NRG1: variants seen among roughly 807,000 people sequenced by gnomAD.
NRG1 encodes neuregulin 1, also known as pro-neuregulin-1, membrane-bound isoform.
A neutral mutation model predicts 63.8 loss-of-function variants in NRG1; 18 were observed. The ratio of observed to expected loss-of-function variants is 0.28; its 90% CI spans 0.19 to 0.42. The LOEUF is 0.42. Among genes scored for constraint, NRG1 ranks in the 10% least tolerant of loss-of-function variants. NRG1 has a pLI of 1.00. For synonymous variants in NRG1, 302 were observed against 301.3 expected, an observed-to-expected ratio of 1.00 and a Z score of -0.02; for missense variants, 762 against 814.7, an observed-to-expected ratio of 0.94 and a Z score of 0.79.
intron 1 of NRG1, among the ~76,000 whole-genome samples, chr8:32,409,005 C>A (rs1814507886): frequency 6.6e-6 from 1 of 152,020 alleles, no homozygotes. Flanking sequence ...CTTTCTGTTT[C>A]TGAGTTATTT....
intron 5 of NRG1, among the ~76,000 whole-genome samples, chr8:32,718,343 T>G (rs1819769340): frequency 6.6e-6 from 1 of 152,202 alleles, no homozygotes; most frequent in Non-Finnish European, 1.5e-5. Context: ...TATATAAATA[T>G]AAAGTAGTGT....
At chr8:32,495,544 C>G (rs565431057) in intron 1 of NRG1, among the ~76,000 whole-genome samples, 26 of 151,458 alleles carry the variant, frequency 1.7e-4, no homozygotes, top group South Asian at 8.4e-4. Flanking sequence ...CTCACTGAAA[C>G]CTCTGCCTCC....
At chr8:32,120,305 A>T (rs1292731428) in intron 1 of NRG1, among the ~76,000 whole-genome samples, 1 of 152,116 alleles carries the variant, frequency 6.6e-6, no homozygotes, top group African/African-American at 2.4e-5. Flanking sequence ...ATGAAAGAAT[A>T]TCAGTTTTGG....
At chr8:32,391,723 C>G (rs1327888185) in intron 1 of NRG1, among the ~76,000 whole-genome samples, 1 of 152,078 alleles carries the variant, frequency 6.6e-6, no homozygotes, top group Non-Finnish European at 1.5e-5. Context: ...CATAGTATTC[C>G]ATGCTGTATA....
chr8:32,197,251 C>T (rs768558267), intron 1 of NRG1, among the ~76,000 whole-genome samples: 75 of 152,050 alleles, frequency 4.9e-4, no homozygotes, highest in Admixed American at 7.9e-4. Flanking sequence ...CATGAGCCAC[C>T]ACGCCCAGCC....
At chr8:32,068,994 C>T (rs994979988) in intron 1 of NRG1, among the ~76,000 whole-genome samples, 3 of 152,088 alleles carry the variant, frequency 2.0e-5, no homozygotes, top group East Asian at 1.9e-4. Context: ...GAACTTAAAC[C>T]GTGAGGAGGA....
At chr8:31,838,701 G>T (rs1028686179) in intron 1 of NRG1, among the ~76,000 whole-genome samples, 9 of 151,642 alleles carry the variant, frequency 5.9e-5, no homozygotes, top group Non-Finnish European at 7.4e-5. Context: ...CTTCAAAATG[G>T]GCCTTTTGCA....
At chr8:31,916,608 T>G (rs1184358516) in intron 1 of NRG1, among the ~76,000 whole-genome samples, 4 of 152,244 alleles carry the variant, frequency 2.6e-5, no homozygotes, top group Admixed American at 1.3e-4. Flanking sequence ...CTATCATTGT[T>G]GGACATTTGG....
intron 1 of NRG1, among the ~76,000 whole-genome samples, chr8:31,942,447 T>C (rs760867351): frequency 2.0e-5 from 3 of 151,946 alleles, no homozygotes; most frequent in Non-Finnish European, 2.9e-5. Context: ...GAAGATAACA[T>C]CAGAAAAACC....
chr8:32,144,850 T>C (rs540489006), intron 1 of NRG1, among the ~76,000 whole-genome samples: 9 of 152,302 alleles, frequency 5.9e-5, no homozygotes, highest in East Asian at 5.8e-4. Flanking sequence ...TTTACTCAGT[T>C]CTAGTTTCTA....
At chr8:32,475,313 A>G (rs1019565672) in intron 1 of NRG1, among the ~76,000 whole-genome samples, 3 of 151,656 alleles carry the variant, frequency 2.0e-5, no homozygotes, top group African/African-American at 7.3e-5. Flanking sequence ...AAAAATACAA[A>G]AATTAGCTGG....
At chr8:32,648,741 T>G (rs1854272943) in intron 5 of NRG1, among the ~76,000 whole-genome samples, 1 of 152,224 alleles carries the variant, frequency 6.6e-6, no homozygotes, top group African/African-American at 2.4e-5. Context: ...TATAGAAATG[T>G]GACTTTCATA....
At chr8:31,943,833 G>T (rs527949671) in intron 1 of NRG1, among the ~76,000 whole-genome samples, 86 of 152,292 alleles carry the variant, frequency 5.6e-4, no homozygotes, top group Admixed American at 1.2e-3. Flanking sequence ...AAGCTACAAA[G>T]ATTTCTTATG....
intron 1 of NRG1, among the ~76,000 whole-genome samples, chr8:31,698,927 G>A (rs1476734528): frequency 6.6e-6 from 1 of 152,166 alleles, no homozygotes; most frequent in African/African-American, 2.4e-5. Flanking sequence ...TGCTGTGAAA[G>A]CTCAGATTCC....
chr8:32,759,518 G>A (rs1830312947), intron 10 of NRG1, 82 bp downstream of exon 10: 1 of 1,510,096 alleles, frequency 6.6e-7, no homozygotes, highest in East Asian at 2.3e-5. Context: ...GCCTAAGAAA[G>A]GAGGCAGTGA....
At chr8:31,718,576 G>A (rs1362542448) in intron 1 of NRG1, among the ~76,000 whole-genome samples, 2 of 152,130 alleles carry the variant, frequency 1.3e-5, no homozygotes, top group Admixed American at 1.3e-4. Flanking sequence ...TTGTTTGATT[G>A]TTTTTATCTC....
At position 32,154,018 on chromosome 8, in the gene NRG1, C is replaced by T. The variant is rs78693506; in HGVS notation, c.38-441810C>T. ...TGAACATTGGCTTTTGGACAAATAA[C>T]AGGCAGATTCTTTGGTGAAGCTTTG... On this transcript the variant is annotated intron_variant, in intron 1 of 10. Transcript: ENST00000519301. 2.8e-3 allele frequency among the ~76,000 whole-genome samples: 430 copies of T among 152,268 alleles called. 1 individual carries two copies. Among genetic ancestry groups the T allele is most frequent in the Non-Finnish European group, 5.0e-3 (339 of 68,010 alleles).
chr8:31,935,582 GA>G (rs1835235681), intron 1 of NRG1, among the ~76,000 whole-genome samples: 3 of 152,216 alleles, frequency 2.0e-5, no homozygotes, highest in Non-Finnish European at 4.4e-5. Flanking sequence ...TCTGACAGGT[GA>G]GAAACTGAAC....
At chr8:32,300,565 A>G (rs181660300) in intron 1 of NRG1, among the ~76,000 whole-genome samples, 2 of 152,254 alleles carry the variant, frequency 1.3e-5, no homozygotes, top group African/African-American at 2.4e-5. Context: ...TGAGTTACAA[A>G]CATTAAACAT....
Sources: allele counts gnomAD v4.1 joint callset (sites outside exome capture counted in the v4.1 genomes callset), GRCh38; gene constraint gnomAD v4.1.1; transcripts MANE v1.5; gene names NCBI Gene and HGNC (gene_info 2026-07-23, HGNC 2026-07-21).